TNK2: variants seen among roughly 807,000 people sequenced by gnomAD.
TNK2 encodes the protein activated CDC42 kinase 1.
Under a neutral mutation model 101.8 loss-of-function variants are expected in TNK2, and 83 were observed. That is an observed-to-expected ratio of 0.82 (90% CI 0.68 to 0.98). TNK2 has a LOEUF of 0.98. TNK2 is among the 50% of genes least tolerant of loss of function. The pLI is 0.00. For synonymous variants in TNK2, 804 were observed against 633.0 expected, an observed-to-expected ratio of 1.27 and a Z score of -4.06; for missense variants, 1,665 against 1,483.2, an observed-to-expected ratio of 1.12 and a Z score of -2.01.
At chr3:195,893,203 C>T (rs1398233317) in intron 1 of TNK2, among the ~76,000 whole-genome samples, 2 of 151,590 alleles carry the variant, frequency 1.3e-5, no homozygotes, top group African/African-American at 2.4e-5. Flanking sequence ...CCCCCGAGTC[C>T]CAGCCTTGGC....
chr3:195,901,694 T>C (rs902285159), intron 1 of TNK2, among the ~76,000 whole-genome samples: 3 of 152,056 alleles, frequency 2.0e-5, no homozygotes, highest in African/African-American at 7.3e-5. Context: ...TCACTGAGAG[T>C]GTACCTTCAC....
chr3:195,893,363 C>T (rs1759372971), intron 1 of TNK2, among the ~76,000 whole-genome samples: 2 of 151,908 alleles, frequency 1.3e-5, no homozygotes, highest in Non-Finnish European at 2.9e-5. Flanking sequence ...CTGGGGTGGC[C>T]CTGTCTGCTG....
At chr3:195,906,373 C>T (rs1227448653) in intron 1 of TNK2, among the ~76,000 whole-genome samples, 1 of 152,216 alleles carries the variant, frequency 6.6e-6, no homozygotes, top group African/African-American at 2.4e-5. Context: ...CTAACAAACA[C>T]GTTCACAGCA....
chr3:195,870,174 C>CG lies in TNK2; in HGVS notation c.1482dup (p.Asp495ArgfsTer40), dbSNP rs750898925. 167 of 1,525,870 alleles carry CG rather than the reference C, an allele frequency of 1.1e-4. No individual in the cohort carries two copies. Among genetic ancestry groups the CG allele is most frequent in the East Asian group, 2.4e-4 (10 of 42,218 alleles). 94.5% of individuals were successfully genotyped at this position (1,525,870 alleles called of 1,614,324 possible). A position where few individuals can be genotyped will look rare whatever the true frequency, so the allele number is the denominator to read the frequency against. On this transcript the variant is annotated frameshift_variant, in exon 11 of 16. Transcript: ENST00000672887. LOFTEE classifies it high-confidence loss of function. ...GTGCTCAGTTCCACGCTCAGGAGGT[C>CG]GGGGGGGTCCATGGGGTTTCCCAGA... is the stretch of plus-strand genomic sequence containing the variant.
intron 15 of TNK2, among the ~76,000 whole-genome samples, chr3:195,865,753 A>C (rs933711555): frequency 6.6e-6 from 1 of 151,982 alleles, no homozygotes; most frequent in African/African-American, 2.4e-5. Flanking sequence ...TCCCAGCTGC[A>C]AATCAGTAAG....
At chr3:195,879,216 C>G (rs750165335) in intron 6 of TNK2, 41 bp from the exon 7 acceptor site, 28 of 1,609,280 alleles carry the variant, frequency 1.7e-5, no homozygotes, top group Non-Finnish European at 2.4e-5. Flanking sequence ...TCTCAAACAC[C>G]CTACCTGCGT....
Position 195,867,655 on chromosome 3 carries a change from T to C in TNK2, c.2643A>G (p.Pro881=), listed in dbSNP as rs201291396. The change falls in exon 13 of 16, where the codon CCA becomes CCG. Residue 881 remains proline, a synonymous_variant. Transcript: ENST00000672887. ...STHYYLLPER[P]SYLERYQRFL... is the part of the protein sequence containing the mutation. ...AGCGCTGGTAGCGCTCCAGGTAGGA[T>C]GGTCGCTCGGGCAGCAAGTAATAGT... is the stretch of plus-strand genomic sequence containing the variant. 2.1e-5 allele frequency: 34 copies of C among 1,604,584 alleles called. 1 individual carries two copies. The highest frequency in any genetic ancestry group is 2.2e-5 in the South Asian group (2 of 91,022).
rs1482414058 is a variant in TNK2, at chr3:195,863,832, C to G, written c.*349G>C. 3.5e-6 allele frequency: 1 copy of G among 285,766 alleles called. No homozygotes were observed. The highest frequency in any genetic ancestry group is 2.2e-5 in the African/African-American group (1 of 46,190). 17.7% of individuals were successfully genotyped at this position (285,766 alleles called of 1,614,324 possible). ...TTTCCTCCCAGTCTGTCACCCAGGG[C>G]AGGGCCTGGGGGTACTACTCCACCC... On this transcript the variant is annotated 3_prime_UTR_variant, in exon 16 of 16. Transcript: ENST00000672887.
At chr3:195,891,003 C>T (rs1407687761) in intron 1 of TNK2, among the ~76,000 whole-genome samples, 1 of 152,190 alleles carries the variant, frequency 6.6e-6, no homozygotes, top group Non-Finnish European at 1.5e-5. Flanking sequence ...TTATTACCTT[C>T]CTCTTATGTC....
In TNK2 at chr3:195,883,146, G is replaced by A. The variant is rs372947586; in HGVS notation, c.609+11C>T. 1.5e-5 allele frequency: 17 copies of A among 1,164,044 alleles called. No individual in the cohort carries two copies. The highest frequency in any genetic ancestry group is 7.1e-5 in the East Asian group (2 of 27,992). The allele number at this position is 1,164,044 out of a possible 1,614,324, so 72.1% of individuals were successfully genotyped here. A position where few individuals can be genotyped will look rare whatever the true frequency, so the allele number is the denominator to read the frequency against. The stretch of plus-strand genomic sequence containing the variant: ...TCTCCCTGCCCGCCCCCTCCCGCCC[G>A]CAGTACTCACCATCTTCATGGGCGG... On this transcript the variant is annotated intron_variant, in intron 5 of 15. Transcript: ENST00000672887.
At chr3:195,899,628 C>A (rs1370052305) in intron 1 of TNK2, among the ~76,000 whole-genome samples, 1 of 152,214 alleles carries the variant, frequency 6.6e-6, no homozygotes, top group Admixed American at 6.5e-5. Flanking sequence ...CTGCGCCCGG[C>A]CAAGAATTTT....
At chr3:195,870,547 G>A (rs749196863) in intron 10 of TNK2, 18 of 526,914 alleles carry the variant, frequency 3.4e-5, no homozygotes, top group Non-Finnish European at 4.2e-5. Flanking sequence ...CGCAGGCCAC[G>A]ATGGAGGGCC....
chr3:195,890,274 T>G (rs1171912052), intron 1 of TNK2, among the ~76,000 whole-genome samples: 1 of 152,144 alleles, frequency 6.6e-6, no homozygotes, highest in Non-Finnish European at 1.5e-5. Context: ...TGGGGGGGCC[T>G]TAGTGACATT....
At chr3:195,870,248 T>G (rs757808066) in intron 10 of TNK2, 43 bp from the exon 11 acceptor site, 3 of 1,598,204 alleles carry the variant, frequency 1.9e-6, no homozygotes, top group African/African-American at 2.7e-5. Context: ...GGGAAGCGTG[T>G]GGAGGGGTGG....
Position 195,867,637 on chromosome 3 carries a change from G to C in TNK2, c.2661C>G (p.Tyr887Ter). The C allele has an allele frequency of 1.2e-6, 2 of 1,601,962 alleles. No individual in the cohort carries two copies. Among genetic ancestry groups the C allele is most frequent in the Non-Finnish European group, 1.7e-6 (2 of 1,179,552 alleles). Residue 887 changes from tyrosine to a stop codon, truncating the protein, a stop_gained, in exon 13 of 16, where the codon TAC becomes TAG. Transcript: ENST00000672887. LOFTEE classifies it high-confidence loss of function. ...LPERPSYLER[Y>*]QRFLREAQSP... Reference sequence around the variant, plus strand: ...TCTGGGCCTCACGCAGGAAGCGCTGGTAGCGCTCCAGGTAGGATGGTCGCT... The same window carrying C: ...TCTGGGCCTCACGCAGGAAGCGCTGCTAGCGCTCCAGGTAGGATGGTCGCT...
At position 195,867,384 on chromosome 3, in the gene TNK2, G is replaced by A. The variant is rs748112786; in HGVS notation, c.2914C>T (p.Arg972Trp). 3.3e-5 allele frequency: 53 copies of A among 1,604,782 alleles called. No homozygotes were observed. Among genetic ancestry groups the A allele is most frequent in the African/African-American group, 8.0e-5 (6 of 74,860 alleles). ...ACCATCTGGATCTTGTCTGCTGGCCGGCCCGCCTCTGGCCCATCGCCAGGG... is the reference window on the plus strand; with the variant it reads ...ACCATCTGGATCTTGTCTGCTGGCCAGCCCGCCTCTGGCCCATCGCCAGGG... The part of the protein sequence containing the change: ...GCPGDGPEAG[R>W]PADKIQMLQA... Residue 972 changes from arginine (R) to tryptophan (W), a missense_variant, in exon 13 of 16, where the codon CGG becomes TGG. By Grantham distance (101) the Arg-to-Trp change is moderately radical. Coordinates refer to ENST00000672887, the MANE Select transcript of TNK2 (RefSeq NM_001382273.1).
At chr3:195,871,856 G>GC (rs904578907) in intron 10 of TNK2, among the ~76,000 whole-genome samples, 1 of 152,072 alleles carries the variant, frequency 6.6e-6, no homozygotes, top group African/African-American at 2.4e-5. Flanking sequence ...TAGGAGATCG[G>GC]CCCCCCAAAG....
Position 195,885,010 on chromosome 3 carries a change from CTCCAGTCGCTT to C in TNK2, c.247_257del (p.Lys83GlyfsTer2). The C allele has an allele frequency of 1.2e-6, 2 of 1,605,300 alleles. No individual in the cohort carries two copies. The highest frequency in any genetic ancestry group is 2.2e-5 in the South Asian group (2 of 90,538). ...GAGAGTGATGAGGTGGGAACTCAGC[CTCCAGTCGCTT>C]TCCACTGAACACCTGTTTGAAGGCA... On this transcript the variant is annotated frameshift_variant, in exon 4 of 16. Transcript: ENST00000672887. LOFTEE classifies it high-confidence loss of function. This position sits in a 1 kb window ranked among gnomAD's most constrained non-coding sequence, Gnocchi z 4.7.
chr3:195,893,101 G>A (rs1759257495), intron 1 of TNK2, among the ~76,000 whole-genome samples: 2 of 151,942 alleles, frequency 1.3e-5, no homozygotes, highest in South Asian at 4.1e-4. Flanking sequence ...ACCTGTGTGG[G>A]GACGTGGGGA....
Sources: gnomAD v4.1 joint callset for allele counts (sites outside exome capture counted in the v4.1 genomes callset) on GRCh38, gnomAD v4.1.1 for gene constraint, Gnocchi (gnomAD v3.1) non-coding constraint, MANE v1.5 for transcripts, NCBI Gene and HGNC (gene_info 2026-07-23, HGNC 2026-07-21) for gene names.